The following TOGARAM1 variants were observed in gnomAD, a reference collection of about 807,000 sequenced individuals.
TOGARAM1 encodes the protein TOG array regulator of axonemal microtubules 1, also known as TOG array regulator of axonemal microtubules protein 1.
In TOGARAM1, 100 loss-of-function variants were observed where a neutral mutation model predicts 166.6. That is an observed-to-expected ratio of 0.60 (90% CI 0.51 to 0.71). The LOEUF (loss-of-function observed/expected upper bound fraction) is 0.71, where lower values mean the gene tolerates loss of function less well. Ranked by LOEUF, TOGARAM1 falls within the 30% of genes least tolerant of loss-of-function variation. The pLI is 0.00. For missense variants in TOGARAM1, 2,029 were observed against 2,102.7 expected (o/e 0.96, Z 0.69); for synonymous variants, 758 against 763.8 (o/e 0.99, Z 0.13).
At chr14:45,008,592 A>G (rs1402958777) in intron 5 of TOGARAM1, among the ~76,000 whole-genome samples, 3 of 152,148 alleles carry the variant, frequency 2.0e-5, no homozygotes, top group African/African-American at 7.2e-5. Context: ...CTACCATCTG[A>G]TTCAATGATT....
At chr14:44,979,604 A>G (rs1485931659) in intron 1 of TOGARAM1, among the ~76,000 whole-genome samples, 2 of 152,230 alleles carry the variant, frequency 1.3e-5, no homozygotes, top group Non-Finnish European at 2.9e-5. Flanking sequence ...GCCAGGCATT[A>G]TTCTATACAC....
Position 45,043,759 on chromosome 14 carries a change from T to C in TOGARAM1, c.3886T>C (p.Leu1296=), listed in dbSNP as rs760608769. 2 of 1,613,108 alleles carry C rather than the reference T, an allele frequency of 1.2e-6. No individual in the cohort carries two copies. Among genetic ancestry groups the C allele is most frequent in the Non-Finnish European group, 1.7e-6 (2 of 1,179,152 alleles). ...AFHSEILNTK[L]HETNFAVVQE... Reference sequence around the variant, plus strand: ...TCATTCTGAGATACTGAACACAAAGTTGCATGAAACAAATTTTGCAGTTGT... The same window carrying C: ...TCATTCTGAGATACTGAACACAAAGCTGCATGAAACAAATTTTGCAGTTGT... The change falls in exon 12 of 20, where the codon TTG becomes CTG. Residue 1296 remains leucine (L), a synonymous_variant. Coordinates refer to ENST00000361462, the MANE Select transcript of TOGARAM1 (RefSeq NM_001308120.2).
At chr14:44,993,168 G>A (rs973393335) in intron 1 of TOGARAM1, among the ~76,000 whole-genome samples, 26 of 151,932 alleles carry the variant, frequency 1.7e-4, no homozygotes, top group Middle Eastern at 3.4e-3. Context: ...CATGCCTATA[G>A]TCCCAGCTAC....
chr14:45,061,488 G>T (rs984522679), intron 16 of TOGARAM1, among the ~76,000 whole-genome samples: 6 of 152,120 alleles, frequency 3.9e-5, no homozygotes, highest in African/African-American at 7.2e-5. Flanking sequence ...AAAATGTTTA[G>T]CATTTCACCA....
intron 1 of TOGARAM1, among the ~76,000 whole-genome samples, chr14:44,966,752 G>A (rs529249646): frequency 1.9e-4 from 29 of 151,984 alleles, no homozygotes; most frequent in African/African-American, 6.5e-4. Flanking sequence ...CCAGGAGTTC[G>A]AGACCAGCCT....
intron 7 of TOGARAM1, among the ~76,000 whole-genome samples, chr14:45,017,502 C>G (rs1304847660): frequency 1.3e-5 from 2 of 151,976 alleles, no homozygotes; most frequent in Non-Finnish European, 2.9e-5. Context: ...TCCCAGATGC[C>G]CAGTTAGGTT....
chr14:45,068,312 A>G lies in TOGARAM1; in HGVS notation c.4750-112A>G, dbSNP rs528702469. On this transcript the variant is annotated intron_variant, in intron 17 of 19. Coordinates refer to ENST00000361462, the MANE Select transcript of TOGARAM1 (RefSeq NM_001308120.2). Reference sequence around the variant, plus strand: ...GTTCAGGCAAAATAGGATGTTGTGTATATATTTAAACTGAGTAAAGTAGGA... The same window carrying G: ...GTTCAGGCAAAATAGGATGTTGTGTGTATATTTAAACTGAGTAAAGTAGGA... 4.1e-5 allele frequency: 30 copies of G among 725,646 alleles called. No individual in the cohort carries two copies. The East Asian group carries it at 5.9e-4, about 14-fold the overall frequency. 45.0% of individuals were successfully genotyped at this position (725,646 alleles called of 1,614,324 possible).
At chr14:45,019,702 A>C (rs947850320) in intron 7 of TOGARAM1, among the ~76,000 whole-genome samples, 3 of 152,230 alleles carry the variant, frequency 2.0e-5, no homozygotes, top group Admixed American at 2.0e-4. Flanking sequence ...TGATTGGTCG[A>C]GTGTGAGCTA....
chr14:44,997,799 T>A (rs1331888236), intron 2 of TOGARAM1, among the ~76,000 whole-genome samples: 3 of 150,742 alleles, frequency 2.0e-5, no homozygotes, highest in Non-Finnish European at 2.9e-5. Flanking sequence ...TGAGACTCCG[T>A]CTCAAAAAAA....
chr14:44,974,286 C>T (rs939989902), intron 1 of TOGARAM1, among the ~76,000 whole-genome samples: 1 of 151,956 alleles, frequency 6.6e-6, no homozygotes, highest in Non-Finnish European at 1.5e-5. Context: ...GTCCAGTTTA[C>T]TAATGAGCCC....
chr14:45,026,847 A>AAAAC (rs2138906172), intron 8 of TOGARAM1, among the ~76,000 whole-genome samples: 1 of 152,082 alleles, frequency 6.6e-6, no homozygotes, highest in South Asian at 2.1e-4. Context: ...AAAAAAAAAA[A>AAAAC]AATACAAAAA....
At chr14:44,970,742 A>G (rs1885840123) in intron 1 of TOGARAM1, among the ~76,000 whole-genome samples, 1 of 152,130 alleles carries the variant, frequency 6.6e-6, no homozygotes, top group African/African-American at 2.4e-5. Context: ...AGTTTTCATC[A>G]TATATGGATA....
At position 44,963,996 on chromosome 14, in the gene TOGARAM1, G is replaced by A; in HGVS notation, c.1575G>A (p.Arg525=). 2 of 1,614,144 alleles carry A rather than the reference G, an allele frequency of 1.2e-6. No individual in the cohort carries two copies. The highest frequency in any genetic ancestry group is 1.6e-4 in the Middle Eastern group (1 of 6,062). The change falls in exon 1 of 20, where the codon AGG becomes AGA. Residue 525 remains arginine (R), a synonymous_variant. Coordinates refer to ENST00000361462, the MANE Select transcript of TOGARAM1 (RefSeq NM_001308120.2). ...CAGCTCTTGTAGATAGCAAACGCAG[G>A]GTACGCCAAGCAGCTTTAGAAGCTT... is the stretch of plus-strand genomic sequence containing the variant. The part of the protein sequence containing the change: ...LAPALVDSKR[R]VRQAALEAFA...
chr14:45,016,906 T>C (rs781390531), intron 7 of TOGARAM1, among the ~76,000 whole-genome samples: 3 of 152,198 alleles, frequency 2.0e-5, no homozygotes, highest in Non-Finnish European at 4.4e-5. Flanking sequence ...AGGGGAGATA[T>C]ATACCTTATG....
intron 12 of TOGARAM1, 102 bp downstream of exon 12, chr14:45,043,893 A>G (rs764713068): frequency 4.6e-5 from 30 of 648,224 alleles, no homozygotes; most frequent in Middle Eastern, 4.1e-4. Context: ...TCTGTACCAT[A>G]TGATATAAAA....
At chr14:45,059,913 A>ATT (rs1210596745) in intron 16 of TOGARAM1, among the ~76,000 whole-genome samples, 32 of 138,538 alleles carry the variant, frequency 2.3e-4, no homozygotes, top group African/African-American at 3.5e-4. Flanking sequence ...TAGAAATGCA[A>ATT]TTTTTTTTTT....
chr14:45,042,442 A>AAC (rs375683464), intron 11 of TOGARAM1: 21,203 of 150,780 alleles, frequency 0.14, 2,882 homozygotes, highest in African/African-American at 0.35. Flanking sequence ...TATCAGTCCT[A>AAC]ACACACACAC....
At chr14:44,991,293 T>C (rs924928239) in intron 1 of TOGARAM1, among the ~76,000 whole-genome samples, 7 of 151,980 alleles carry the variant, frequency 4.6e-5, no homozygotes, top group African/African-American at 1.7e-4. Context: ...TTATTTTAGC[T>C]ATGTAGCATA....
intron 14 of TOGARAM1, among the ~76,000 whole-genome samples, chr14:45,046,986 G>A (rs1882096574): frequency 6.6e-6 from 1 of 152,188 alleles, no homozygotes; most frequent in South Asian, 2.1e-4. Context: ...TGAGTGGGCA[G>A]AAAAGTGGCA....
Sources: gnomAD v4.1 joint callset for allele counts (sites outside exome capture counted in the v4.1 genomes callset) on GRCh38, gnomAD v4.1.1 for gene constraint, MANE v1.5 for transcripts, NCBI Gene and HGNC (gene_info 2026-07-23, HGNC 2026-07-21) for gene names.